The following LPP variants were observed in gnomAD, a reference collection of about 807,000 sequenced individuals.
LPP encodes the protein LIM domain containing preferred translocation partner in lipoma.
A neutral mutation model predicts 60.4 loss-of-function variants in LPP; 38 were observed. The observed-to-expected ratio is 0.63, with a 90% CI of 0.49 to 0.83. LPP has a LOEUF of 0.83. LPP is among the 40% of genes least tolerant of loss of function. The probability of loss-of-function intolerance (pLI) is 0.00; values close to 1 mark genes in which losing one functional copy is unlikely to be tolerated. For missense variants in LPP, 902 were observed against 783.6 expected, an observed-to-expected ratio of 1.15 and a Z score of -1.80; for synonymous variants, 328 against 290.8, an observed-to-expected ratio of 1.13 and a Z score of -1.30.
intron 8 of LPP, among the ~76,000 whole-genome samples, chr3:188,724,267 C>G (rs888636425): frequency 6.6e-6 from 1 of 152,160 alleles, no homozygotes; most frequent in Non-Finnish European, 1.5e-5. Context: ...CAGCTCTTAA[C>G]CCCTGCATAT....
intron 4 of LPP, among the ~76,000 whole-genome samples, chr3:188,448,400 TTAGA>T (rs2149325616): frequency 1.7e-5 from 1 of 57,222 alleles, no homozygotes; most frequent in African/African-American, 5.5e-5. Context: ...ATATCTATAT[TTAGA>T]TAAAGATATC....
At chr3:188,713,755 T>G (rs1050765223) in intron 8 of LPP, among the ~76,000 whole-genome samples, 1 of 152,146 alleles carries the variant, frequency 6.6e-6, no homozygotes, top group African/African-American at 2.4e-5. Context: ...ACTCCCCTCC[T>G]CTCTAAAAGT....
chr3:188,524,566 A>G, intron 5 of LPP, 99 bp from the exon 6 acceptor site: 6 of 1,318,328 alleles, frequency 4.6e-6, no homozygotes, highest in Non-Finnish European at 6.2e-6. Flanking sequence ...GAGGTGCAGA[A>G]AAACTTGGAC....
intron 2 of LPP, among the ~76,000 whole-genome samples, chr3:188,230,898 G>A (rs1015972213): frequency 6.6e-6 from 1 of 152,192 alleles, no homozygotes; most frequent in Admixed American, 6.5e-5. Context: ...TGCTGGACCT[G>A]CAGTCTCACC....
intron 8 of LPP, chr3:188,710,330 TC>T (rs1866380721): frequency 6.6e-6 from 1 of 152,134 alleles, no homozygotes; most frequent in Non-Finnish European, 1.5e-5. Flanking sequence ...CTCTTCTCTG[TC>T]CCTCGCTGGC....
At chr3:188,439,733 T>G (rs1370067641) in intron 4 of LPP, among the ~76,000 whole-genome samples, 2 of 152,224 alleles carry the variant, frequency 1.3e-5, no homozygotes, top group East Asian at 3.8e-4. Flanking sequence ...GATACCATCA[T>G]AGGCACTGAG....
intron 5 of LPP, among the ~76,000 whole-genome samples, chr3:188,504,018 A>G (rs931558936): frequency 1.3e-5 from 2 of 152,146 alleles, no homozygotes; most frequent in African/African-American, 4.8e-5. Context: ...TATTTCTTCA[A>G]GTATTGTCCC....
intron 2 of LPP, among the ~76,000 whole-genome samples, chr3:188,248,478 A>AGT (rs1553833575): frequency 8.6e-5 from 11 of 128,394 alleles, no homozygotes; most frequent in South Asian, 2.5e-4. Context: ...TTATATATAT[A>AGT]TATATATATA....
At chr3:188,484,472 A>G (rs1200153686) in intron 4 of LPP, 120 bp from the exon 5 acceptor site, 1 of 672,022 alleles carries the variant, frequency 1.5e-6, no homozygotes. Flanking sequence ...AATAATTGCT[A>G]TACAACACAA....
chr3:188,683,211 G>T (rs147866273), intron 7 of LPP, among the ~76,000 whole-genome samples: 180 of 152,026 alleles, frequency 1.2e-3, no homozygotes, highest in African/African-American at 4.2e-3. Flanking sequence ...CAAGCATAAT[G>T]AGGTAAAGGG....
intron 7 of LPP, among the ~76,000 whole-genome samples, chr3:188,612,096 A>C (rs1014525926): frequency 1.3e-5 from 2 of 152,190 alleles, no homozygotes; most frequent in African/African-American, 4.8e-5. Flanking sequence ...TTATTTTTAA[A>C]ATTTTTGATA....
At chr3:188,689,717 A>G (rs1861668185) in intron 7 of LPP, among the ~76,000 whole-genome samples, 1 of 152,180 alleles carries the variant, frequency 6.6e-6, no homozygotes. Flanking sequence ...AGTACCCTTT[A>G]CTATATTTGT....
At chr3:188,425,410 T>C (rs1442959866) in intron 4 of LPP, among the ~76,000 whole-genome samples, 4 of 152,174 alleles carry the variant, frequency 2.6e-5, no homozygotes. Context: ...AAATTTTCTT[T>C]TTTTTGTTGT....
chr3:188,269,682 A>G (rs1242667794), intron 2 of LPP, among the ~76,000 whole-genome samples: 1 of 72,034 alleles, frequency 1.4e-5, no homozygotes, highest in African/African-American at 6.1e-5. Context: ...TGTGTGTGTC[A>G]CTCTGTCTCC....
chr3:188,831,977 T>C (rs1384548973), intron 9 of LPP, among the ~76,000 whole-genome samples: 2 of 152,204 alleles, frequency 1.3e-5, no homozygotes, highest in Non-Finnish European at 2.9e-5. Context: ...GTGTAGTATT[T>C]ATTCTGGGAT....
chr3:188,754,561 A>C (rs563158334), intron 8 of LPP, among the ~76,000 whole-genome samples: 46 of 152,332 alleles, frequency 3.0e-4, no homozygotes, highest in African/African-American at 1.1e-3. Flanking sequence ...TTGACTCAAC[A>C]TAGAATCACC....
At chr3:188,820,126 T>G (rs558444946) in intron 9 of LPP, among the ~76,000 whole-genome samples, 136 of 152,344 alleles carry the variant, frequency 8.9e-4, no homozygotes, top group African/African-American at 3.2e-3. Flanking sequence ...CAAGGAAGTG[T>G]GGTAATCACA....
intron 7 of LPP, among the ~76,000 whole-genome samples, chr3:188,640,872 A>G (rs1251526586): frequency 6.6e-6 from 1 of 152,210 alleles, no homozygotes. Flanking sequence ...ACAACTTCCC[A>G]TACAGAAATT....
intron 9 of LPP, among the ~76,000 whole-genome samples, chr3:188,862,822 C>A (rs965090605): frequency 2.0e-5 from 3 of 151,098 alleles, no homozygotes; most frequent in Admixed American, 2.0e-4. Context: ...TTTGAATAGG[C>A]ATATTTAGAG....
Sources: allele counts gnomAD v4.1 joint callset (sites outside exome capture counted in the v4.1 genomes callset), GRCh38; gene constraint gnomAD v4.1.1; transcripts MANE v1.5; gene names NCBI Gene and HGNC (gene_info 2026-07-23, HGNC 2026-07-21).